PTPRG: variants seen among roughly 807,000 people sequenced by gnomAD.
PTPRG encodes protein tyrosine phosphatase receptor type G, also known as receptor-type tyrosine-protein phosphatase gamma.
A neutral mutation model predicts 165.3 loss-of-function variants in PTPRG; 102 were observed. The ratio of observed to expected loss-of-function variants is 0.62; its 90% CI spans 0.53 to 0.73. The LOEUF is 0.73. Among genes scored for constraint, PTPRG ranks in the 30% least tolerant of loss-of-function variants. PTPRG has a pLI of 0.00. For synonymous variants in PTPRG, 675 were observed against 669.5 expected (o/e 1.01, Z -0.13); for missense variants, 1,866 against 1,861.4 (o/e 1.00, Z -0.05).
intron 1 of PTPRG, among the ~76,000 whole-genome samples, chr3:61,570,401 GA>G (rs1024926913): frequency 9.2e-5 from 14 of 151,696 alleles, no homozygotes; most frequent in African/African-American, 3.1e-4. Flanking sequence ...AACTAAAAAA[GA>G]AAAAAATGAA....
intron 2 of PTPRG, among the ~76,000 whole-genome samples, chr3:61,797,594 CCCCCACCT>C (rs1378636705): frequency 1.3e-5 from 2 of 149,184 alleles, no homozygotes; most frequent in East Asian, 3.9e-4. Flanking sequence ...CCCCCCCACC[CCCCCACCT>C]CCCGCCTTCC....
chr3:61,827,556 G>C (rs772804462), intron 2 of PTPRG, among the ~76,000 whole-genome samples: 1 of 152,080 alleles, frequency 6.6e-6, no homozygotes, highest in African/African-American at 2.4e-5. Flanking sequence ...TCCCTGATCT[G>C]TCCTTCAGTC....
chr3:62,111,233 G>A (rs761691593), intron 5 of PTPRG, among the ~76,000 whole-genome samples: 6 of 152,182 alleles, frequency 3.9e-5, no homozygotes, highest in African/African-American at 9.7e-5. Context: ...CAGTGCCTGC[G>A]GAGCTCGGAA....
chr3:61,894,918 T>C (rs2038310362), intron 2 of PTPRG, among the ~76,000 whole-genome samples: 1 of 152,192 alleles, frequency 6.6e-6, no homozygotes, highest in African/African-American at 2.4e-5. Context: ...GGAGTTTGAA[T>C]CTCAGCACCA....
intron 1 of PTPRG, among the ~76,000 whole-genome samples, chr3:61,618,009 A>G (rs1701344729): frequency 6.6e-6 from 1 of 152,238 alleles, no homozygotes; most frequent in African/African-American, 2.4e-5. Flanking sequence ...TACACTATAT[A>G]ACTAATTATT....
chr3:62,122,473 C>G (rs1224117160), intron 5 of PTPRG, among the ~76,000 whole-genome samples: 1 of 152,090 alleles, frequency 6.6e-6, no homozygotes, highest in African/African-American at 2.4e-5. Context: ...AAAACTACCC[C>G]CTCTTAAAAG....
chr3:62,166,496 TG>T (rs1361135049), intron 7 of PTPRG, among the ~76,000 whole-genome samples: 2 of 151,254 alleles, frequency 1.3e-5, no homozygotes, highest in African/African-American at 4.9e-5. Context: ...CCATTATGCC[TG>T]GCTAATTTTT....
Position 62,115,342 on chromosome 3 carries a change from A to T in PTPRG, c.616-17260A>T, listed in dbSNP as rs189014092. 1.7e-3 allele frequency among the ~76,000 whole-genome samples: 258 copies of T among 152,328 alleles called. 1 individual carries two copies. The highest frequency in any genetic ancestry group is 6.0e-3 in the African/African-American group (248 of 41,568). ...AACCCCTTTCCCTTGGGTGATTTAA[A>T]GAGTGTTTATCTTTGGTGCAGACTC... is the stretch of plus-strand genomic sequence containing the variant. On this transcript the variant is annotated intron_variant, in intron 5 of 29. Coordinates refer to ENST00000474889, the MANE Select transcript of PTPRG (RefSeq NM_002841.4).
At chr3:61,634,799 A>AG (rs1701862557) in intron 1 of PTPRG, among the ~76,000 whole-genome samples, 1 of 152,138 alleles carries the variant, frequency 6.6e-6, no homozygotes, top group Non-Finnish European at 1.5e-5. Flanking sequence ...GTTTCTCTAT[A>AG]AGTCTGAGAA....
chr3:61,712,332 C>CT (rs11439644), intron 1 of PTPRG, among the ~76,000 whole-genome samples: 22,550 of 147,732 alleles, frequency 0.15, 1,774 homozygotes, highest in Non-Finnish European at 0.17. Flanking sequence ...CGGCTTAAGA[C>CT]TTTTTTTTTT....
At chr3:62,070,505 G>A (rs548184958) in intron 4 of PTPRG, among the ~76,000 whole-genome samples, 1 of 152,328 alleles carries the variant, frequency 6.6e-6, no homozygotes, top group South Asian at 2.1e-4. Flanking sequence ...ACAATGGGCA[G>A]CACTGTGCTA....
At chr3:61,969,101 A>G (rs1406771883) in intron 2 of PTPRG, among the ~76,000 whole-genome samples, 2 of 152,200 alleles carry the variant, frequency 1.3e-5, no homozygotes, top group African/African-American at 2.4e-5. Flanking sequence ...ATGTAGTACT[A>G]TATTTGACAC....
At chr3:62,134,754 A>ATAT (rs1703642958) in intron 6 of PTPRG, among the ~76,000 whole-genome samples, 1 of 152,244 alleles carries the variant, frequency 6.6e-6, no homozygotes, top group Non-Finnish European at 1.5e-5. Context: ...TTGATGTGGC[A>ATAT]CGCTGTGTCC....
intron 2 of PTPRG, among the ~76,000 whole-genome samples, chr3:61,984,094 C>G (rs1242989494): frequency 6.6e-6 from 1 of 152,124 alleles, no homozygotes; most frequent in South Asian, 2.1e-4. Context: ...TGGAATTAAT[C>G]TCCAATTGTG....
chr3:61,788,008 G>A (rs2107114485), intron 2 of PTPRG, among the ~76,000 whole-genome samples: 1 of 152,248 alleles, frequency 6.6e-6, no homozygotes, highest in Admixed American at 6.5e-5. Flanking sequence ...AGGATTTGTA[G>A]CAGTATTCAA....
chr3:62,293,152 GT>G lies in PTPRG; in HGVS notation c.4192-4del. 1 of 1,558,998 alleles carries G rather than the reference GT, an allele frequency of 6.4e-7. No individual in the cohort carries two copies. The highest frequency in any genetic ancestry group is 2.0e-5 in the Admixed American group (1 of 49,174). On this transcript the variant is annotated splice_region_variant and splice_polypyrimidine_tract_variant and intron_variant, in intron 29 of 29. Coordinates refer to ENST00000474889, the MANE Select transcript of PTPRG (RefSeq NM_002841.4). The stretch of plus-strand genomic sequence containing the variant: ...CTTTGGCTCAAACTGTCTTCCTCTT[GT>G]TTTTCAGGAACAATACCAGTTCATC...
intron 1 of PTPRG, among the ~76,000 whole-genome samples, chr3:61,566,278 C>G (rs1237955515): frequency 6.6e-6 from 1 of 152,198 alleles, no homozygotes; most frequent in African/African-American, 2.4e-5. Flanking sequence ...TTGTTGTTTA[C>G]ATGAAGCGAT....
intron 5 of PTPRG, among the ~76,000 whole-genome samples, chr3:62,105,245 G>A (rs138314570): frequency 6.6e-6 from 1 of 152,284 alleles, no homozygotes; most frequent in African/African-American, 2.4e-5. Context: ...TGGGAAAATT[G>A]GTTGTATTTC....
chr3:61,774,526 C>G (rs1314773973), intron 2 of PTPRG, among the ~76,000 whole-genome samples: 1 of 152,128 alleles, frequency 6.6e-6, no homozygotes, highest in Non-Finnish European at 1.5e-5. Context: ...CACCAGAGGA[C>G]AAGAAGGCCA....
Sources: allele counts gnomAD v4.1 joint callset (sites outside exome capture counted in the v4.1 genomes callset), GRCh38; gene constraint gnomAD v4.1.1; transcripts MANE v1.5; gene names NCBI Gene and HGNC (gene_info 2026-07-23, HGNC 2026-07-21).